EPS15: variants seen among roughly 807,000 people sequenced by gnomAD.
The protein encoded by EPS15 is epidermal growth factor receptor substrate 15.
EPS15 carries 72 observed loss-of-function variants against 113.8 expected under a neutral mutation model. The ratio of observed to expected loss-of-function variants is 0.63; its 90% CI spans 0.52 to 0.77. The LOEUF is 0.77. Ranked by LOEUF, EPS15 falls within the 30% of genes least tolerant of loss-of-function variation. The pLI, the probability that EPS15 is intolerant of heterozygous loss-of-function variation, is 0.00. For missense variants in EPS15, 1,048 were observed against 1,045.8 expected, an observed-to-expected ratio of 1.00 and a Z score of -0.03; for synonymous variants, 344 against 363.4, an observed-to-expected ratio of 0.95 and a Z score of 0.61.
intron 13 of EPS15, among the ~76,000 whole-genome samples, chr1:51,410,312 G>A (rs1359229768): frequency 1.3e-5 from 2 of 151,458 alleles, no homozygotes; most frequent in African/African-American, 2.4e-5. Context: ...GATCTCTTGA[G>A]CCCAGGAGGT....
chr1:51,482,794 A>G (rs955309195), intron 1 of EPS15, among the ~76,000 whole-genome samples: 3 of 152,080 alleles, frequency 2.0e-5, no homozygotes, highest in African/African-American at 7.2e-5. Context: ...GGTCTGGTTG[A>G]GGGGCTGAAC....
At chr1:51,451,490 C>CAAAA (rs56091976) in intron 8 of EPS15, among the ~76,000 whole-genome samples, 101 of 48,762 alleles carry the variant, frequency 2.1e-3, no homozygotes, top group African/African-American at 2.5e-3. Flanking sequence ...GACTCCATCT[C>CAAAA]AAAAAAAAAA....
At chr1:51,515,029 A>G (rs538749556) in intron 1 of EPS15, among the ~76,000 whole-genome samples, 3 of 152,230 alleles carry the variant, frequency 2.0e-5, no homozygotes, top group Non-Finnish European at 4.4e-5. Flanking sequence ...TACTAAGATG[A>G]TATGTTTATT....
intron 21 of EPS15, among the ~76,000 whole-genome samples, chr1:51,388,257 C>G (rs372429810): frequency 1.3e-4 from 20 of 152,038 alleles, no homozygotes; most frequent in African/African-American, 3.4e-4. Context: ...AAATAAAGAT[C>G]TTCTTTGAAA....
chr1:51,425,430 T>C (rs191341813), intron 12 of EPS15, among the ~76,000 whole-genome samples: 157 of 150,176 alleles, frequency 1.0e-3, no homozygotes, highest in African/African-American at 3.8e-3. Flanking sequence ...GATAAAATCA[T>C]CTTCAAAGTC....
At chr1:51,357,391 AAT>A (rs869072153) in intron 24 of EPS15, among the ~76,000 whole-genome samples, 44 of 65,730 alleles carry the variant, frequency 6.7e-4, no homozygotes, top group South Asian at 2.8e-3. Context: ...AAAAAAAAAA[AAT>A]ATATATATAT....
At chr1:51,474,385 C>T (rs1192443428) in intron 2 of EPS15, among the ~76,000 whole-genome samples, 2 of 152,176 alleles carry the variant, frequency 1.3e-5, no homozygotes, top group Admixed American at 6.5e-5. Context: ...ACTCAGCTGA[C>T]ATCACACTAC....
intron 1 of EPS15, among the ~76,000 whole-genome samples, chr1:51,508,236 A>AGAAAGAG (rs781436438): frequency 2.2e-5 from 2 of 92,584 alleles, no homozygotes; most frequent in Admixed American, 2.1e-4. Flanking sequence ...AAGAAAAGAA[A>AGAAAGAG]AGAAAGAGAG....
At chr1:51,397,586 A>C (rs1648081557) in intron 20 of EPS15, among the ~76,000 whole-genome samples, 1 of 152,212 alleles carries the variant, frequency 6.6e-6, no homozygotes, top group Non-Finnish European at 1.5e-5. Context: ...CCACATTGCA[A>C]ACTAAGTGCT....
chr1:51,429,639 G>A (rs1158706062), intron 12 of EPS15, among the ~76,000 whole-genome samples: 2 of 137,942 alleles, frequency 1.4e-5, no homozygotes, highest in Admixed American at 1.4e-4. Context: ...TACTGTTGTT[G>A]TTGGTTTTTT....
intron 7 of EPS15, among the ~76,000 whole-genome samples, chr1:51,462,484 G>A (rs188541119): frequency 2.7e-4 from 41 of 152,236 alleles, no homozygotes; most frequent in Non-Finnish European, 4.6e-4. Context: ...CTGGCAGTAC[G>A]GAGAAGCCCA....
intron 8 of EPS15, among the ~76,000 whole-genome samples, chr1:51,450,751 TG>T (rs1306351932): frequency 6.6e-6 from 1 of 151,830 alleles, no homozygotes; most frequent in African/African-American, 2.4e-5. Context: ...AAATGCTGTA[TG>T]AAAAAGATTA....
At chr1:51,433,995 C>A (rs1380091249) in intron 12 of EPS15, among the ~76,000 whole-genome samples, 1 of 152,214 alleles carries the variant, frequency 6.6e-6, no homozygotes, top group African/African-American at 2.4e-5. Context: ...ACTGTCACAG[C>A]AACAGCTCTC....
At chr1:51,369,140 A>T (rs1478664748) in intron 21 of EPS15, among the ~76,000 whole-genome samples, 1 of 152,232 alleles carries the variant, frequency 6.6e-6, no homozygotes, top group Non-Finnish European at 1.5e-5. Context: ...AATTAATTTT[A>T]AAAAGGACAC....
At chr1:51,499,864 T>G (rs1644383581) in intron 1 of EPS15, among the ~76,000 whole-genome samples, 1 of 152,228 alleles carries the variant, frequency 6.6e-6, no homozygotes, top group East Asian at 1.9e-4. Context: ...CTAAGTATAT[T>G]CACATTATTG....
chr1:51,449,417 A>G (rs1411972889), intron 8 of EPS15, among the ~76,000 whole-genome samples: 1 of 152,184 alleles, frequency 6.6e-6, no homozygotes, highest in East Asian at 1.9e-4. Context: ...AGAAGGAAAC[A>G]ACAGACATGG....
intron 21 of EPS15, among the ~76,000 whole-genome samples, chr1:51,380,857 C>A (rs1646924916): frequency 6.6e-6 from 1 of 152,084 alleles, no homozygotes; most frequent in Non-Finnish European, 1.5e-5. Flanking sequence ...AAAGATATTT[C>A]ATGCAAATAG....
intron 7 of EPS15, 59 bp from the exon 8 acceptor site, chr1:51,461,209 G>T: frequency 1.6e-6 from 2 of 1,280,788 alleles, no homozygotes; most frequent in South Asian, 1.2e-5. Flanking sequence ...TTCTACTCGA[G>T]GGCAAGAAAA....
chr1:51,470,786 T>A (rs1223302329), intron 4 of EPS15, among the ~76,000 whole-genome samples: 4 of 152,024 alleles, frequency 2.6e-5, no homozygotes, highest in African/African-American at 9.6e-5. Flanking sequence ...AAGTAAAAAA[T>A]TTATTATACT....
Sources: gnomAD v4.1 joint callset for allele counts (sites outside exome capture counted in the v4.1 genomes callset) on GRCh38, gnomAD v4.1.1 for gene constraint, MANE v1.5 for transcripts, NCBI Gene and HGNC (gene_info 2026-07-23, HGNC 2026-07-21) for gene names.